The following OSBPL3 variants were observed in gnomAD, a reference collection of about 807,000 sequenced individuals.
The protein encoded by OSBPL3 is oxysterol-binding protein-related protein 3.
In OSBPL3, 65 loss-of-function variants were observed where a neutral mutation model predicts 120.1. The observed-to-expected ratio is 0.54, with a 90% CI of 0.44 to 0.67. The LOEUF (loss-of-function observed/expected upper bound fraction) is 0.67. Among genes scored for constraint, OSBPL3 ranks in the 30% least tolerant of loss-of-function variants. The pLI is 0.00. For missense variants in OSBPL3, 1,004 were observed against 1,082.1 expected (o/e 0.93, Z 1.01); for synonymous variants, 416 against 402.6 (o/e 1.03, Z -0.40).
At chr7:24,944,998 T>G (rs543496289) in intron 1 of OSBPL3, among the ~76,000 whole-genome samples, 15 of 152,290 alleles carry the variant, frequency 9.8e-5, no homozygotes, top group Admixed American at 2.6e-4. Context: ...GCAGCATTCT[T>G]AAACCAAAAC....
chr7:24,901,612 G>A (rs553074577), intron 1 of OSBPL3, among the ~76,000 whole-genome samples: 1 of 152,226 alleles, frequency 6.6e-6, no homozygotes, highest in South Asian at 2.1e-4. Flanking sequence ...CTGAAACTAC[G>A]TGACACACTT....
rs10486439 is a variant in OSBPL3, at chr7:24,894,072, G to A, written c.-149-1451C>T. Among the ~76,000 whole-genome samples, 5,230 of 152,020 alleles carry A rather than the reference G, an allele frequency of 0.034. 149 individuals carry two copies. Among genetic ancestry groups the A allele is most frequent in the East Asian group, 0.13 (687 of 5,172 alleles). On this transcript the variant is annotated intron_variant, in intron 1 of 22. Transcript: ENST00000313367. This position sits in a 1 kb window ranked among gnomAD's most constrained non-coding sequence, Gnocchi z 4.1. ...AAGAAGAGTATCATATATTTGTCTA[G>A]GAACCAGCTAGTTAACTATGATATC...
At chr7:24,977,936 C>T (rs1454964830) in intron 1 of OSBPL3, among the ~76,000 whole-genome samples, 1 of 152,230 alleles carries the variant, frequency 6.6e-6, no homozygotes, top group Admixed American at 6.5e-5. Context: ...TTAACGATTA[C>T]TGAAAATATA....
intron 1 of OSBPL3, among the ~76,000 whole-genome samples, chr7:24,971,791 G>A (rs985437577): frequency 7.2e-5 from 11 of 152,172 alleles, no homozygotes; most frequent in African/African-American, 2.7e-4. Context: ...CCTGGCACAT[G>A]GAGAGCGCCC....
intron 2 of OSBPL3, among the ~76,000 whole-genome samples, chr7:24,874,869 C>G (rs963489838): frequency 6.6e-6 from 1 of 152,202 alleles, no homozygotes; most frequent in African/African-American, 2.4e-5. Flanking sequence ...TCATCGCCAA[C>G]TTCCCTGTCA....
chr7:24,943,088 A>C (rs1323771370), intron 1 of OSBPL3, among the ~76,000 whole-genome samples: 1 of 152,228 alleles, frequency 6.6e-6, no homozygotes, highest in Non-Finnish European at 1.5e-5. Flanking sequence ...GCCCAGGTAA[A>C]ATGGAACATC....
At chr7:24,826,185 G>T (rs1000846772) in intron 16 of OSBPL3, among the ~76,000 whole-genome samples, 6 of 152,226 alleles carry the variant, frequency 3.9e-5, no homozygotes, top group African/African-American at 1.4e-4. Context: ...CTTAGTCCCT[G>T]AACAGTAAGG....
intron 1 of OSBPL3, among the ~76,000 whole-genome samples, chr7:24,920,545 T>C (rs1192099417): frequency 1.3e-5 from 2 of 152,180 alleles, no homozygotes; most frequent in Non-Finnish European, 2.9e-5. Context: ...ATTCATTAGA[T>C]AGTGGTGATG....
At chr7:24,951,844 G>C (rs1427055589) in intron 1 of OSBPL3, among the ~76,000 whole-genome samples, 2 of 152,170 alleles carry the variant, frequency 1.3e-5, no homozygotes, top group Admixed American at 1.3e-4. Flanking sequence ...TGCTGCAGAA[G>C]CTCTCCAAAA....
intron 1 of OSBPL3, among the ~76,000 whole-genome samples, chr7:24,979,606 C>A (rs886539873): frequency 1.3e-5 from 2 of 152,068 alleles, no homozygotes; most frequent in Non-Finnish European, 2.9e-5. Context: ...GCGGCCCCTG[C>A]GCTCGGCTCC....
rs1806760960 is a variant in OSBPL3, at chr7:24,900,048, T to C, written c.-149-7427A>G. On this transcript the variant is annotated intron_variant, in intron 1 of 22. Transcript: ENST00000313367. This position sits in a 1 kb window ranked among gnomAD's most constrained non-coding sequence, Gnocchi z 4.5. ...AGGGTAGGAAGCTAAAACCCTCTTTTATTATCGTAGTCCTGTGGTTTTTAA... is the reference window on the plus strand; with the variant it reads ...AGGGTAGGAAGCTAAAACCCTCTTTCATTATCGTAGTCCTGTGGTTTTTAA... Among the ~76,000 whole-genome samples the C allele has an allele frequency of 6.6e-6, 1 of 152,224 alleles. No individual in the cohort carries two copies. Among genetic ancestry groups the C allele is most frequent in the Non-Finnish European group, 1.5e-5 (1 of 68,036 alleles).
At chr7:24,978,354 C>A (rs1817814120) in intron 1 of OSBPL3, among the ~76,000 whole-genome samples, 1 of 152,218 alleles carries the variant, frequency 6.6e-6, no homozygotes, top group Non-Finnish European at 1.5e-5. Context: ...TGCAAACCTA[C>A]TGCGTGTTCT....
rs1799630007 is a variant in OSBPL3, at chr7:24,854,796, A to C, written c.1028-2162T>G. Among the ~76,000 whole-genome samples, 1 of 152,210 alleles carries C rather than the reference A, an allele frequency of 6.6e-6. No individual in the cohort carries two copies. ...CCTGAACCCTGGTTTCCACATTTGTAAATGGGGATAATAATAACTTTTACT... is the reference window on the plus strand; with the variant it reads ...CCTGAACCCTGGTTTCCACATTTGTCAATGGGGATAATAATAACTTTTACT... On this transcript the variant is annotated intron_variant, in intron 10 of 22. Transcript: ENST00000313367. The surrounding 1 kb of genome is among the most constrained non-coding windows in gnomAD (Gnocchi z 4.1).
rs1020841308 is a variant in OSBPL3, at chr7:24,894,998, T to C, written c.-149-2377A>G. On this transcript the variant is annotated intron_variant, in intron 1 of 22. Transcript: ENST00000313367. The surrounding 1 kb of genome is among the most constrained non-coding windows in gnomAD (Gnocchi z 4.1). Reference sequence around the variant, plus strand: ...CCTACCCCTGTCTCCTTTCCCCTTCTGGGAAAGAAAGAGAGGGGACCCGCA... The same window carrying C: ...CCTACCCCTGTCTCCTTTCCCCTTCCGGGAAAGAAAGAGAGGGGACCCGCA... Among the ~76,000 whole-genome samples, 1 of 152,096 alleles carries C rather than the reference T, an allele frequency of 6.6e-6. No individual in the cohort carries two copies.
intron 1 of OSBPL3, among the ~76,000 whole-genome samples, chr7:24,956,357 A>T (rs1815045333): frequency 6.6e-6 from 1 of 152,234 alleles, no homozygotes; most frequent in Non-Finnish European, 1.5e-5. Context: ...TGTTTTATTC[A>T]TTAGGGGATA....
At chr7:24,979,690 C>T (rs1818030136) in intron 1 of OSBPL3, among the ~76,000 whole-genome samples, 196 bp downstream of exon 1, 2 of 152,164 alleles carry the variant, frequency 1.3e-5, no homozygotes, top group African/African-American at 2.4e-5. Flanking sequence ...GGTCCTCCTT[C>T]CCCGGGAGCT....
chr7:24,874,023 G>A (rs1245507187), intron 2 of OSBPL3, among the ~76,000 whole-genome samples: 2 of 152,158 alleles, frequency 1.3e-5, no homozygotes, highest in African/African-American at 2.4e-5. Flanking sequence ...TAAAGGGTCC[G>A]GAGTATTTCT....
At position 24,803,490 on chromosome 7, in the gene OSBPL3, T is replaced by G. The variant is rs994758931; in HGVS notation, c.2567+825A>C. Among the ~76,000 whole-genome samples, 2 of 152,034 alleles carry G rather than the reference T, an allele frequency of 1.3e-5. No homozygotes were observed. Among genetic ancestry groups the G allele is most frequent in the Non-Finnish European group, 1.5e-5 (1 of 67,996 alleles). Reference sequence around the variant, plus strand: ...ATCTCTCATACCTCCTTTAAAAATTTATATCTATTGGCTGGGCACGGTGGC... The same window carrying G: ...ATCTCTCATACCTCCTTTAAAAATTGATATCTATTGGCTGGGCACGGTGGC... On this transcript the variant is annotated intron_variant, in intron 22 of 22. Transcript: ENST00000313367. The surrounding 1 kb of genome is among the most constrained non-coding windows in gnomAD (Gnocchi z 4.2).
chr7:24,910,907 C>T (rs1475582781), intron 1 of OSBPL3, among the ~76,000 whole-genome samples: 1 of 152,166 alleles, frequency 6.6e-6, no homozygotes, highest in Non-Finnish European at 1.5e-5. Flanking sequence ...CAGGATCACC[C>T]TGGGAAGCTT....
Sources: gnomAD v4.1 joint callset for allele counts (sites outside exome capture counted in the v4.1 genomes callset) on GRCh38, gnomAD v4.1.1 for gene constraint, Gnocchi (gnomAD v3.1) non-coding constraint, MANE v1.5 for transcripts, NCBI Gene and HGNC (gene_info 2026-07-23, HGNC 2026-07-21) for gene names.